The following ABHD16A variants were observed in gnomAD, a reference collection of about 807,000 sequenced individuals.
ABHD16A encodes phosphatidylserine lipase ABHD16A.
A neutral mutation model predicts 89.8 loss-of-function variants in ABHD16A; 47 were observed. That is an observed-to-expected ratio of 0.52 (90% CI 0.41 to 0.67). ABHD16A has a LOEUF of 0.67. ABHD16A is among the 30% of genes least tolerant of loss of function. ABHD16A has a pLI of 0.00. For missense variants in ABHD16A, 580 were observed against 734.6 expected (o/e 0.79, Z 2.43); for synonymous variants, 251 against 280.4 (o/e 0.90, Z 1.05).
In ABHD16A at chr6:31,691,901, G is replaced by A. The variant is rs768564130; in HGVS notation, c.644C>T (p.Thr215Ile). 6.2e-7 allele frequency: 1 copy of A among 1,609,064 alleles called. No individual in the cohort carries two copies. The highest frequency in any genetic ancestry group is 1.7e-5 in the Admixed American group (1 of 59,788). Residue 215 changes from threonine (T) to isoleucine (I), a missense_variant, in exon 8 of 20, where the codon ACC (threonine) becomes ATC (isoleucine). Transcript: ENST00000395952. ...CQITSYLVAH[T>I]LGRRMLYPGS... Reference sequence around the variant, plus strand: ...TGGATACAGCATCCGGCGCCCTAGGGTGTGCGCCACCAGGTAGCTGTGGGG... The same window carrying A: ...TGGATACAGCATCCGGCGCCCTAGGATGTGCGCCACCAGGTAGCTGTGGGG...
chr6:31,697,721 CACTT>C (rs1306976914), intron 4 of ABHD16A, among the ~76,000 whole-genome samples: 1 of 152,238 alleles, frequency 6.6e-6, no homozygotes, highest in Non-Finnish European at 1.5e-5. Context: ...TCTCTCTTTT[CACTT>C]ACACAGTCAG....
rs1278669500 is a variant in ABHD16A, at chr6:31,693,061, TGAG to T, written c.589_591del (p.Leu197del). On this transcript the variant is annotated inframe_deletion, in exon 7 of 20. Coordinates refer to ENST00000395952, the MANE Select transcript of ABHD16A (RefSeq NM_021160.3). This position sits in a 1 kb window ranked among gnomAD's most constrained non-coding sequence, Gnocchi z 5.0. ...TGACAAGGCAGCTTCTTAACCCGGT[TGAG>T]GAGGGTGTCTGCTGTCCCCCGGTGC... 2 of 1,614,004 alleles carry T rather than the reference TGAG, an allele frequency of 1.2e-6. No individual in the cohort carries two copies. Among genetic ancestry groups the T allele is most frequent in the African/African-American group, 2.7e-5 (2 of 74,904 alleles).
rs771071142 is a variant in ABHD16A, at chr6:31,688,673, G to A, written c.1250+50C>T. On this transcript the variant is annotated intron_variant, in intron 14 of 19. Transcript: ENST00000395952. The surrounding 1 kb of genome is among the most constrained non-coding windows in gnomAD (Gnocchi z 4.9). ...AGTTTCAGGGTTTGAGCGCCCAGCA[G>A]AGCTGTATGGGGGGCAGGTGTTCAA... 1.6e-5 allele frequency: 26 copies of A among 1,602,330 alleles called. No homozygotes were observed. The highest frequency in any genetic ancestry group is 2.2e-5 in the Non-Finnish European group (26 of 1,171,342).
rs1473313930 is a variant in ABHD16A, at chr6:31,698,794, A to C, written c.344-1761T>G. Among the ~76,000 whole-genome samples the C allele has an allele frequency of 2.6e-5, 4 of 152,154 alleles. No individual in the cohort carries two copies. The East Asian group carries it at 7.7e-4, about 29-fold the overall frequency. On this transcript the variant is annotated intron_variant, in intron 4 of 19. Coordinates refer to ENST00000395952, the MANE Select transcript of ABHD16A (RefSeq NM_021160.3). The surrounding 1 kb of genome is among the most constrained non-coding windows in gnomAD (Gnocchi z 4.1). ...CCCAGCCCTGCAGAGATCAGGGGGC[A>C]GAACACCTCAGGCAGAAGGTCCTGG... is the stretch of plus-strand genomic sequence containing the variant.
rs1804088192 is a variant in ABHD16A at position 31,693,325 on chromosome 6, G to T, written c.503+34C>A. 6 of 1,611,476 alleles carry T rather than the reference G, an allele frequency of 3.7e-6. No homozygotes were observed. The East Asian group carries it at 1.1e-4, about 30-fold the overall frequency. ...CAGAGATTTTCTGGAATGGTTCTAA[G>T]GGGAGAGATACAGCAAAAGAACTGG... On this transcript the variant is annotated intron_variant, in intron 6 of 19. Coordinates refer to ENST00000395952, the MANE Select transcript of ABHD16A (RefSeq NM_021160.3). This position sits in a 1 kb window ranked among gnomAD's most constrained non-coding sequence, Gnocchi z 5.0.
chr6:31,703,311 C>A lies in ABHD16A; in HGVS notation c.-30G>T. ...CCGGCTCGGGCCGCTGCTCTTCCAG[C>A]AGCAGGTCCCCCTGCCGGCCCCGCC... On this transcript the variant is annotated 5_prime_UTR_variant, in exon 1 of 20. Transcript: ENST00000395952. 1 of 1,335,486 alleles carries A rather than the reference C, an allele frequency of 7.5e-7. No individual in the cohort carries two copies. Among genetic ancestry groups the A allele is most frequent in the Non-Finnish European group, 9.7e-7 (1 of 1,031,868 alleles). 82.7% of individuals were successfully genotyped at this position (1,335,486 alleles called of 1,614,324 possible).
Position 31,700,913 on chromosome 6 carries a change from G to A in ABHD16A, c.343+29C>T, listed in dbSNP as rs552319572. On this transcript the variant is annotated intron_variant, in intron 4 of 19. Coordinates refer to ENST00000395952, the MANE Select transcript of ABHD16A (RefSeq NM_021160.3). ...TTTAACCAGTGACAGTGACAGATAAGATTCAAACCAGGTTTCCTCTCCACC... is the reference window on the plus strand; with the variant it reads ...TTTAACCAGTGACAGTGACAGATAAAATTCAAACCAGGTTTCCTCTCCACC... The A allele has an allele frequency of 4.4e-6, 7 of 1,577,448 alleles. No individual in the cohort carries two copies. The Admixed American group carries it at 5.0e-5, about 11-fold the overall frequency.
At chr6:31,702,548 T>A in intron 1 of ABHD16A, 1 of 1,364,178 alleles carries the variant, frequency 7.3e-7, no homozygotes, top group South Asian at 1.7e-5. Context: ...GCGGGCAGTT[T>A]GTAGGAGACA....
chr6:31,691,667 C>T lies in ABHD16A; in HGVS notation c.755G>A (p.Arg252Gln), dbSNP rs1803887518. The T allele has an allele frequency of 3.7e-6, 6 of 1,604,772 alleles. No homozygotes were observed. The highest frequency in any genetic ancestry group is 2.3e-5 in the East Asian group (1 of 44,432). Residue 252 changes from arginine to glutamine, a missense_variant, in exon 9 of 20, where the codon CGG becomes CAG. By Grantham distance (43) the Arg-to-Gln change is conservative. This residue lies in a region of ABHD16A where 415 missense variants were observed against 568.8 expected (regional missense o/e 0.73). Coordinates refer to ENST00000395952, the MANE Select transcript of ABHD16A (RefSeq NM_021160.3). ...GCCATCACAGGCCAGCAGCTTTGCC[C>T]GGCGCCCATTACACTGAGTACGGAA... ...ARLVEECNGR[R>Q]AKLLACDGNE... is the part of the protein sequence containing the mutation.
Position 31,693,141 on chromosome 6 carries a change from G to A in ABHD16A, c.512C>T (p.Ser171Phe). The change falls in exon 7 of 20, where the codon TCT becomes TTT. Residue 171 changes from serine (S) to phenylalanine (F), a missense_variant. Coordinates refer to ENST00000395952, the MANE Select transcript of ABHD16A (RefSeq NM_021160.3). The surrounding 1 kb of genome is among the most constrained non-coding windows in gnomAD (Gnocchi z 5.0). Reference sequence around the variant, plus strand: ...ACCCCGGCGGGAAGGGCCCCCTCGAGACTCCTTCCTGAGGAAGGGAAAGAT... The same window carrying A: ...ACCCCGGCGGGAAGGGCCCCCTCGAAACTCCTTCCTGAGGAAGGGAAAGAT... ...HWEEPSSRKESRGGPSRRGVA... is the reference protein window; with the variant it reads ...HWEEPSSRKEFRGGPSRRGVA... 6.2e-7 allele frequency: 1 copy of A among 1,613,004 alleles called. No homozygotes were observed. Among genetic ancestry groups the A allele is most frequent in the Non-Finnish European group, 8.5e-7 (1 of 1,179,518 alleles).
In ABHD16A at chr6:31,702,071, T is replaced by C. The variant is rs752900404; in HGVS notation, c.189+3A>G. On this transcript the variant is annotated splice_donor_region_variant and intron_variant, in intron 2 of 19. Transcript: ENST00000395952. ...AGAGTCCCAGATGCCAGGGTAGACATACCAGTGCCAGGATGCTGTCAGCAT... is the reference window on the plus strand; with the variant it reads ...AGAGTCCCAGATGCCAGGGTAGACACACCAGTGCCAGGATGCTGTCAGCAT... The C allele has an allele frequency of 2.5e-6, 4 of 1,613,052 alleles. No homozygotes were observed. The highest frequency in any genetic ancestry group is 1.7e-5 in the Admixed American group (1 of 60,024).
chr6:31,697,533 C>G (rs1447050665), intron 4 of ABHD16A, among the ~76,000 whole-genome samples: 1 of 152,158 alleles, frequency 6.6e-6, no homozygotes, highest in African/African-American at 2.4e-5. Flanking sequence ...CCTGACTCTT[C>G]TATCCTCATT....
In ABHD16A at chr6:31,693,734, G is replaced by A. The variant is rs550293957; in HGVS notation, c.430-302C>T. On this transcript the variant is annotated intron_variant, in intron 5 of 19. Coordinates refer to ENST00000395952, the MANE Select transcript of ABHD16A (RefSeq NM_021160.3). The surrounding 1 kb of genome is among the most constrained non-coding windows in gnomAD (Gnocchi z 5.0). ...CCATCCCCAGGAGGAGTGGCTGAAG[G>A]TGCTAGTGCTTTTGAGTGACGGGTA... is the stretch of plus-strand genomic sequence containing the variant. Among the ~76,000 whole-genome samples, 4 of 152,334 alleles carry A rather than the reference G, an allele frequency of 2.6e-5. No homozygotes were observed. The highest frequency in any genetic ancestry group is 9.6e-5 in the African/African-American group (4 of 41,578).
chr6:31,691,851 C>T lies in ABHD16A; in HGVS notation c.694G>A (p.Ala232Thr). The T allele has an allele frequency of 6.2e-7, 1 of 1,611,828 alleles. No homozygotes were observed. The highest frequency in any genetic ancestry group is 8.5e-7 in the Non-Finnish European group (1 of 1,179,824). Reference protein sequence around the residue: ...YPGSVYLLQKALMPVLLQGQA... With the variant: ...YPGSVYLLQKTLMPVLLQGQA... ...CCCTGCAGCAGCACAGGCATGAGGG[C>T]CTTCTGCAGCAGGTACACAGAGCCT... The change falls in exon 8 of 20, where the codon GCC becomes ACC. Residue 232 changes from alanine to threonine, a missense_variant. Around this residue, in one of 2 missense-constraint regions of ABHD16A, gnomAD observed 415 missense variants for 568.8 expected, o/e 0.73. Coordinates refer to ENST00000395952, the MANE Select transcript of ABHD16A (RefSeq NM_021160.3).
Position 31,689,104 on chromosome 6 carries a change from A to G in ABHD16A, c.1097T>C (p.Met366Thr). ...CATGGCACTAACATCTGGGTAGGACATGGCTGCCCACGTGGCTGGTACCAG... is the reference window on the plus strand; with the variant it reads ...CATGGCACTAACATCTGGGTAGGACGTGGCTGCCCACGTGGCTGGTACCAG... ...IGGFTATWAAMSYPDVSAMIL... is the reference protein window; with the variant it reads ...IGGFTATWAATSYPDVSAMIL... The change falls in exon 13 of 20, where the codon ATG (methionine) becomes ACG (threonine). Residue 366 changes from methionine (M) to threonine (T), a missense_variant. Transcript: ENST00000395952. The G allele has an allele frequency of 1.2e-6, 2 of 1,613,938 alleles. No homozygotes were observed. The highest frequency in any genetic ancestry group is 1.3e-5 in the African/African-American group (1 of 75,020).
intron 2 of ABHD16A, 67 bp downstream of exon 2, chr6:31,702,007 A>G (rs1193788991): frequency 3.8e-6 from 6 of 1,584,284 alleles, no homozygotes; most frequent in Non-Finnish European, 5.2e-6. Flanking sequence ...CAAGTTAGGG[A>G]GGGCTAAGTT....
rs948111810 is a variant in ABHD16A, at chr6:31,689,064, G to A, written c.1137C>T (p.Ser379=). ...AGGCCAAGGGCACCAGGTCATCAAA[G>A]GAGGCATCCAGGATCATGGCACTAA... ...PDVSAMILDA[S]FDDLVPLALK... The change falls in exon 13 of 20, where the codon TCC becomes TCT. Residue 379 remains serine (S), a synonymous_variant. Transcript: ENST00000395952. 1 of 1,614,050 alleles carries A rather than the reference G, an allele frequency of 6.2e-7. No individual in the cohort carries two copies.
intron 7 of ABHD16A, chr6:31,692,621 A>T: frequency 4.6e-6 from 1 of 219,658 alleles, no homozygotes; most frequent in Non-Finnish European, 9.2e-6. Context: ...GGTTCATCAC[A>T]GGTGCAGACA....
In ABHD16A at chr6:31,700,929, C is replaced by T; in HGVS notation, c.343+13G>A. ...GACAGATAAGATTCAAACCAGGTTTCCTCTCCACCTACCTCGGAGGCAGGC... is the reference window on the plus strand; with the variant it reads ...GACAGATAAGATTCAAACCAGGTTTTCTCTCCACCTACCTCGGAGGCAGGC... On this transcript the variant is annotated intron_variant, in intron 4 of 19. Coordinates refer to ENST00000395952, the MANE Select transcript of ABHD16A (RefSeq NM_021160.3). 1 of 1,608,324 alleles carries T rather than the reference C, an allele frequency of 6.2e-7. No homozygotes were observed.
Sources: gnomAD v4.1 joint callset for allele counts (sites outside exome capture counted in the v4.1 genomes callset) on GRCh38, gnomAD v4.1.1 for gene constraint, gnomAD v4.1.1 regional missense constraint, Gnocchi (gnomAD v3.1) non-coding constraint, MANE v1.5 for transcripts, NCBI Gene and HGNC (gene_info 2026-07-23, HGNC 2026-07-21) for gene names.